SDHAF3: variants seen among roughly 807,000 people sequenced by gnomAD.
SDHAF3 encodes succinate dehydrogenase assembly factor 3, mitochondrial.
In SDHAF3, 18 loss-of-function variants were observed where a neutral mutation model predicts 11.5. The observed-to-expected ratio is 1.56, with a 90% CI of 1.08 to 2.32. The LOEUF is 2.32. SDHAF3 is among the 30% of genes most tolerant of loss of function. SDHAF3 has a pLI of 0.00. For synonymous variants in SDHAF3, 72 were observed against 59.3 expected, an observed-to-expected ratio of 1.21 and a Z score of -0.99; for missense variants, 200 against 154.4, an observed-to-expected ratio of 1.30 and a Z score of -1.57.
At chr7:97,151,251 A>C (rs1019856841) in intron 1 of SDHAF3, among the ~76,000 whole-genome samples, 1 of 152,132 alleles carries the variant, frequency 6.6e-6, no homozygotes, top group African/African-American at 2.4e-5. Context: ...GTGCATATAC[A>C]CGAGAGTCTC....
At chr7:97,159,260 C>CT (rs1290282935) in intron 1 of SDHAF3, among the ~76,000 whole-genome samples, 4 of 152,182 alleles carry the variant, frequency 2.6e-5, no homozygotes, top group African/African-American at 9.7e-5. Flanking sequence ...GTAATCTCCT[C>CT]TAAGCAGTGA....
At chr7:97,175,887 G>A (rs1789671636) in intron 1 of SDHAF3, among the ~76,000 whole-genome samples, 2 of 152,280 alleles carry the variant, frequency 1.3e-5, no homozygotes, top group African/African-American at 4.8e-5. Flanking sequence ...TTAAAACAAT[G>A]GTAGTGTATT....
At chr7:97,177,946 T>C (rs1789708118) in intron 1 of SDHAF3, among the ~76,000 whole-genome samples, 1 of 152,184 alleles carries the variant, frequency 6.6e-6, no homozygotes, top group African/African-American at 2.4e-5. Flanking sequence ...CTCTTAACTG[T>C]GTTTGTAATA....
intron 1 of SDHAF3, among the ~76,000 whole-genome samples, chr7:97,133,430 C>G (rs899190621): frequency 4.6e-5 from 7 of 152,066 alleles, no homozygotes; most frequent in African/African-American, 1.7e-4. Context: ...GGCGTGAGAG[C>G]TTTTTTCATC....
intron 1 of SDHAF3, 144 bp from the exon 2 acceptor site, chr7:97,180,868 C>T: frequency 2.8e-6 from 2 of 703,194 alleles, no homozygotes; most frequent in Non-Finnish European, 4.6e-6. Flanking sequence ...TGTATCTTCA[C>T]AACTATATTT....
At chr7:97,168,621 T>G (rs1018548513) in intron 1 of SDHAF3, among the ~76,000 whole-genome samples, 1 of 152,156 alleles carries the variant, frequency 6.6e-6, no homozygotes, top group Non-Finnish European at 1.5e-5. Flanking sequence ...AATCTTAAGG[T>G]GTGGGCTAAT....
intron 1 of SDHAF3, among the ~76,000 whole-genome samples, chr7:97,152,850 G>T (rs915729770): frequency 6.6e-6 from 1 of 152,090 alleles, no homozygotes; most frequent in Non-Finnish European, 1.5e-5. Flanking sequence ...TAGAGACAGG[G>T]TTTTGCCATC....
chr7:97,160,523 T>C (rs941872136), intron 1 of SDHAF3, among the ~76,000 whole-genome samples: 1 of 152,104 alleles, frequency 6.6e-6, no homozygotes, highest in African/African-American at 2.4e-5. Context: ...TAGAAAGAAG[T>C]AGACATAGGA....
At chr7:97,180,426 T>C (rs1309707486) in intron 1 of SDHAF3, among the ~76,000 whole-genome samples, 2 of 152,090 alleles carry the variant, frequency 1.3e-5, no homozygotes, top group Non-Finnish European at 2.9e-5. Context: ...GGATGTAAAC[T>C]GGGAACAGCT....
At chr7:97,123,529 T>G (rs1206008416) in intron 1 of SDHAF3, among the ~76,000 whole-genome samples, 1 of 152,188 alleles carries the variant, frequency 6.6e-6, no homozygotes, top group East Asian at 1.9e-4. Flanking sequence ...GATTGCTGGG[T>G]CAAATGGTAT....
At chr7:97,121,863 T>TTTTTTG (rs1554349945) in intron 1 of SDHAF3, among the ~76,000 whole-genome samples, 1 of 145,384 alleles carries the variant, frequency 6.9e-6, no homozygotes, top group Non-Finnish European at 1.5e-5. Flanking sequence ...TGTTTTTTTT[T>TTTTTTG]TTTTTGTTTT....
At chr7:97,169,515 A>G (rs1789571628) in intron 1 of SDHAF3, among the ~76,000 whole-genome samples, 1 of 152,156 alleles carries the variant, frequency 6.6e-6, no homozygotes, top group South Asian at 2.1e-4. Context: ...GACAGCTATA[A>G]TGTAAATAAT....
chr7:97,137,254 C>G (rs983551579), intron 1 of SDHAF3, among the ~76,000 whole-genome samples: 1 of 152,008 alleles, frequency 6.6e-6, no homozygotes. Context: ...TAAATCCTTT[C>G]CTTGATAACT....
intron 1 of SDHAF3, among the ~76,000 whole-genome samples, chr7:97,120,498 C>G (rs548721031): frequency 4.6e-5 from 7 of 151,880 alleles, no homozygotes; most frequent in African/African-American, 7.3e-5. Flanking sequence ...TTTTCCCCCC[C>G]ACCTGTTCTT....
chr7:97,149,106 A>G (rs551498941), intron 1 of SDHAF3, among the ~76,000 whole-genome samples: 3 of 150,674 alleles, frequency 2.0e-5, no homozygotes, highest in South Asian at 2.1e-4. Flanking sequence ...TTTTTTTTCT[A>G]TTTTTTTTGT....
chr7:97,174,763 T>C (rs2115747314), intron 1 of SDHAF3, among the ~76,000 whole-genome samples: 1 of 152,362 alleles, frequency 6.6e-6, no homozygotes, highest in African/African-American at 2.4e-5. Context: ...GGGAGGTACA[T>C]GAGGGCAGTG....
At chr7:97,135,952 G>A (rs1248167604) in intron 1 of SDHAF3, among the ~76,000 whole-genome samples, 1 of 151,994 alleles carries the variant, frequency 6.6e-6, no homozygotes, top group Non-Finnish European at 1.5e-5. Context: ...CTCCCAAAGT[G>A]CTGGGATTAC....
chr7:97,161,732 A>G (rs1387487294), intron 1 of SDHAF3, among the ~76,000 whole-genome samples: 4 of 152,246 alleles, frequency 2.6e-5, no homozygotes, highest in Non-Finnish European at 5.9e-5. Flanking sequence ...GATGGTTTCC[A>G]GCTTCATCCA....
intron 1 of SDHAF3, among the ~76,000 whole-genome samples, chr7:97,119,629 A>G (rs754005165): frequency 5.3e-5 from 8 of 152,152 alleles, no homozygotes; most frequent in African/African-American, 1.9e-4. Flanking sequence ...TTTATTTACA[A>G]TTTGCCAGCC....
Sources: gnomAD v4.1 joint callset for allele counts (sites outside exome capture counted in the v4.1 genomes callset) on GRCh38, gnomAD v4.1.1 for gene constraint, MANE v1.5 for transcripts, NCBI Gene and HGNC (gene_info 2026-07-23, HGNC 2026-07-21) for gene names.